EP300: variants seen among roughly 807,000 people sequenced by gnomAD.
EP300 encodes histone acetyltransferase p300.
A neutral mutation model predicts 264.0 loss-of-function variants in EP300; 31 were observed. The ratio of observed to expected loss-of-function variants is 0.12; its 90% CI spans 0.09 to 0.16. The LOEUF is 0.16. Among genes scored for constraint, EP300 ranks in the 10% least tolerant of loss-of-function variants. The pLI is 1.00. For synonymous variants in EP300, 1,340 were observed against 1,045.4 expected (o/e 1.28, Z -5.44); for missense variants, 2,766 against 3,052.9 (o/e 0.91, Z 2.21).
chr22:41,120,856 C>T (rs924310104), intron 2 of EP300, among the ~76,000 whole-genome samples: 4 of 152,198 alleles, frequency 2.6e-5, no homozygotes, highest in African/African-American at 7.2e-5. Flanking sequence ...GTAGCTAGTA[C>T]TACAAGGACT....
chr22:41,134,636 C>A (rs1334962908), intron 6 of EP300, among the ~76,000 whole-genome samples: 1 of 152,090 alleles, frequency 6.6e-6, no homozygotes, highest in Admixed American at 6.6e-5. Context: ...CTCAAGTGAT[C>A]GCCTGCCTCG....
At chr22:41,110,684 G>A (rs979524891) in intron 1 of EP300, among the ~76,000 whole-genome samples, 8 of 152,056 alleles carry the variant, frequency 5.3e-5, no homozygotes, top group African/African-American at 1.7e-4. Flanking sequence ...GATTACAGGC[G>A]TGAGCCACCC....
intron 14 of EP300, 35 bp downstream of exon 14, chr22:41,150,233 G>C: frequency 6.4e-7 from 1 of 1,563,204 alleles, no homozygotes; most frequent in Non-Finnish European, 8.6e-7. Context: ...AGAATCATTA[G>C]AGCTATACTG....
chr22:41,116,149 T>G (rs1274890809), intron 1 of EP300, among the ~76,000 whole-genome samples: 1 of 151,926 alleles, frequency 6.6e-6, no homozygotes, highest in Non-Finnish European at 1.5e-5. Context: ...GTGTTGCACT[T>G]TTTTTTTAAC....
chr22:41,178,350 A>C lies in EP300; in HGVS notation c.6639A>C (p.Gln2213His). The change falls in exon 31 of 31, where the codon CAA becomes CAC. Residue 2213 changes from glutamine to histidine, a missense_variant. Gln to His is a conservative substitution (Grantham distance 24). Transcript: ENST00000263253. ...PGMANHNQFQ[Q>H]PQGVGYPPQQ... ...TGGCCAACCATAACCAGTTCCAGCA[A>C]CCCCAAGGAGTTGGCTACCCACCAC... The C allele has an allele frequency of 6.2e-7, 1 of 1,614,004 alleles. No individual in the cohort carries two copies. The highest frequency in any genetic ancestry group is 8.5e-7 in the Non-Finnish European group (1 of 1,179,906).
At chr22:41,170,721 A>T in intron 27 of EP300, 150 bp downstream of exon 27, 2 of 866,870 alleles carry the variant, frequency 2.3e-6, no homozygotes, top group Non-Finnish European at 3.4e-6. Flanking sequence ...GAGTGCAGTG[A>T]CACGATTTTG....
At chr22:41,113,266 T>G (rs1482595021) in intron 1 of EP300, among the ~76,000 whole-genome samples, 1 of 151,926 alleles carries the variant, frequency 6.6e-6, no homozygotes, top group Non-Finnish European at 1.5e-5. Flanking sequence ...AATTTATTTA[T>G]TTTGTATGTT....
intron 1 of EP300, among the ~76,000 whole-genome samples, chr22:41,112,807 C>T (rs1385398501): frequency 1.3e-5 from 2 of 151,248 alleles, no homozygotes; most frequent in Non-Finnish European, 2.9e-5. Context: ...ATGGTGCTTT[C>T]TTTATGGAAA....
chr22:41,116,458 C>A (rs574075377), intron 1 of EP300, among the ~76,000 whole-genome samples: 1 of 152,054 alleles, frequency 6.6e-6, no homozygotes, highest in Non-Finnish European at 1.5e-5. Context: ...TGAGAACATG[C>A]GGTGTTTAGT....
At chr22:41,167,814 G>GGTTTGTTTTTTTTGTTGTTTTTTTC (rs71328778) in intron 23 of EP300, among the ~76,000 whole-genome samples, 1 of 66,208 alleles carries the variant, frequency 1.5e-5, no homozygotes, top group Non-Finnish European at 2.6e-5. Flanking sequence ...GTTTGTTTTT[G>GGTTTGTTTTTTTTGTTGTTTTTTTC]TTTTTTTTTT....
intron 2 of EP300, among the ~76,000 whole-genome samples, chr22:41,125,212 G>A (rs1455886423): frequency 3.5e-5 from 5 of 144,526 alleles, no homozygotes; most frequent in Non-Finnish European, 6.0e-5. Flanking sequence ...TCCGCCTCCC[G>A]GGTTCACTCC....
chr22:41,104,366 T>C (rs1004201244), intron 1 of EP300, among the ~76,000 whole-genome samples: 6 of 152,022 alleles, frequency 3.9e-5, no homozygotes, highest in Non-Finnish European at 8.8e-5. Context: ...CTTGGCTCAC[T>C]GCAACCTCTG....
intron 8 of EP300, among the ~76,000 whole-genome samples, chr22:41,138,349 A>T (rs2058963807): frequency 6.6e-6 from 1 of 152,106 alleles, no homozygotes; most frequent in Non-Finnish European, 1.5e-5. Context: ...TTTTTAGTAG[A>T]GACGGGGTTT....
At position 41,131,299 on chromosome 22, in the gene EP300, A is replaced by G. The variant is rs963610807; in HGVS notation, c.1283-89A>G. 299 of 1,400,666 alleles carry G rather than the reference A, an allele frequency of 2.1e-4. 5 individuals are homozygous for G. The Admixed American group carries it at 4.6e-3, about 21-fold the overall frequency. 86.8% of individuals were successfully genotyped at this position (1,400,666 alleles called of 1,614,324 possible). ...TCAGATGTTTCATAATCACGTAACA[A>G]TAATTTTGTGGGGTTTTTTATTAGA... On this transcript the variant is annotated intron_variant, in intron 5 of 30. Transcript: ENST00000263253.
chr22:41,177,413 C>T lies in EP300; in HGVS notation c.5702C>T (p.Ala1901Val). 2 of 1,614,176 alleles carry T rather than the reference C, an allele frequency of 1.2e-6. No homozygotes were observed. Among genetic ancestry groups the T allele is most frequent in the Non-Finnish European group, 1.7e-6 (2 of 1,180,030 alleles). The part of the protein sequence containing the change: ...QAAGPVSQGK[A>V]AGQVTPPTPP... ...GCTGGCCCTGTGTCCCAGGGTAAGG[C>T]AGCAGGCCAGGTGACCCCTCCAACC... Residue 1901 changes from alanine (A) to valine (V), a missense_variant, in exon 31 of 31, where the codon GCA (alanine) becomes GTA (valine). Ala to Val is a moderately conservative substitution (Grantham distance 64). Transcript: ENST00000263253.
Position 41,177,218 on chromosome 22 carries a change from A to G in EP300, c.5507A>G (p.Gln1836Arg). The G allele has an allele frequency of 6.2e-7, 1 of 1,614,122 alleles. No individual in the cohort carries two copies. The highest frequency in any genetic ancestry group is 1.7e-5 in the Admixed American group (1 of 60,008). Reference sequence around the variant, plus strand: ...CTTCGCAGGAGGATGGCCAGCATGCAGCGGACTGGTGTGGTTGGGCAGCAA... The same window carrying G: ...CTTCGCAGGAGGATGGCCAGCATGCGGCGGACTGGTGTGGTTGGGCAGCAA... ...QMLRRRMASM[Q>R]RTGVVGQQQG... The change falls in exon 31 of 31, where the codon CAG (glutamine) becomes CGG (arginine). Residue 1836 changes from glutamine (Q) to arginine (R), a missense_variant. Gln to Arg is a conservative substitution (Grantham distance 43, BLOSUM62 1). Transcript: ENST00000263253.
chr22:41,105,196 C>T (rs1207362195), intron 1 of EP300, among the ~76,000 whole-genome samples: 4 of 26,924 alleles, frequency 1.5e-4, no homozygotes, highest in Non-Finnish European at 2.7e-4. Context: ...GACTCCATCT[C>T]AGAAAAAAAA....
intron 1 of EP300, among the ~76,000 whole-genome samples, chr22:41,109,797 A>T (rs1018638449): frequency 1.3e-5 from 2 of 148,552 alleles, no homozygotes; most frequent in Non-Finnish European, 3.0e-5. Flanking sequence ...GCTTCAGGCC[A>T]TGCTCCCCCA....
rs1353971704 is a variant in EP300, at chr22:41,117,460, A to G, written c.368A>G (p.Lys123Arg). Residue 123 changes from lysine to arginine, a missense_variant, in exon 2 of 31, where the codon AAA becomes AGA. Transcript: ENST00000263253. ...PGLGLINSMVKSPMTQAGLTS... is the reference protein window; with the variant it reads ...PGLGLINSMVRSPMTQAGLTS... ...TTAGGTTTGATAAATAGCATGGTCA[A>G]AAGCCCAATGACACAGGCAGGCTTG... is the stretch of plus-strand genomic sequence containing the variant. 1 of 1,614,058 alleles carries G rather than the reference A, an allele frequency of 6.2e-7. No homozygotes were observed. The highest frequency in any genetic ancestry group is 8.5e-7 in the Non-Finnish European group (1 of 1,179,864).
Sources: gnomAD v4.1 joint callset for allele counts (sites outside exome capture counted in the v4.1 genomes callset) on GRCh38, gnomAD v4.1.1 for gene constraint, MANE v1.5 for transcripts, NCBI Gene and HGNC (gene_info 2026-07-23, HGNC 2026-07-21) for gene names.